The following WWC1 variants were observed in gnomAD, a reference collection of about 807,000 sequenced individuals.
The protein encoded by WWC1 is protein KIBRA.
Under a neutral mutation model 138.4 loss-of-function variants are expected in WWC1, and 55 were observed. The ratio of observed to expected loss-of-function variants is 0.40; its 90% CI spans 0.32 to 0.50. The LOEUF is 0.50. Ranked by LOEUF, WWC1 falls within the 20% of genes least tolerant of loss-of-function variation. The pLI, the probability that WWC1 is intolerant of heterozygous loss-of-function variation, is 0.72. For missense variants in WWC1, 1,226 were observed against 1,420.4 expected (o/e 0.86, Z 2.20); for synonymous variants, 524 against 564.9 (o/e 0.93, Z 1.03).
chr5:168,398,507 C>T (rs1300123434), intron 4 of WWC1, among the ~76,000 whole-genome samples: 1 of 152,212 alleles, frequency 6.6e-6, no homozygotes, highest in African/African-American at 2.4e-5. Context: ...ATATAGTGTA[C>T]TGTCTTCCTA....
At chr5:168,404,908 T>C (rs1779663828) in intron 5 of WWC1, among the ~76,000 whole-genome samples, 1 of 151,618 alleles carries the variant, frequency 6.6e-6, no homozygotes, top group South Asian at 2.1e-4. Context: ...TTTTTTTTAA[T>C]TTTTCCCCCA....
intron 1 of WWC1, among the ~76,000 whole-genome samples, chr5:168,304,951 G>A (rs1770416756): frequency 6.6e-6 from 1 of 151,348 alleles, no homozygotes; most frequent in Non-Finnish European, 1.5e-5. Context: ...TCGGCTTCCC[G>A]AGTAGCTGGG....
chr5:168,334,894 C>T (rs903512755), intron 1 of WWC1, among the ~76,000 whole-genome samples: 32 of 152,208 alleles, frequency 2.1e-4, no homozygotes, highest in South Asian at 2.1e-4. Flanking sequence ...GGAATGCTAC[C>T]GGTCCCTCTG....
At chr5:168,311,345 G>A (rs1395316769) in intron 1 of WWC1, among the ~76,000 whole-genome samples, 1 of 152,082 alleles carries the variant, frequency 6.6e-6, no homozygotes, top group Non-Finnish European at 1.5e-5. Context: ...CTCAGGCAAG[G>A]AATAGCGGCC....
chr5:168,339,362 C>T (rs1412447295), intron 1 of WWC1, among the ~76,000 whole-genome samples: 1 of 152,090 alleles, frequency 6.6e-6, no homozygotes, highest in Non-Finnish European at 1.5e-5. Flanking sequence ...GGAAAGAATG[C>T]CAGTGGAGGC....
rs75635749 is a variant in WWC1, at chr5:168,350,245, G to A, written c.120-21179G>A. On this transcript the variant is annotated intron_variant, in intron 1 of 22. Transcript: ENST00000265293. ...CTAGGATTGAAGAAAAATGCAAAAAGAGGTCTCTCTTATTCATGGCTCAGA... is the reference window on the plus strand; with the variant it reads ...CTAGGATTGAAGAAAAATGCAAAAAAAGGTCTCTCTTATTCATGGCTCAGA... 5.3e-5 allele frequency among the ~76,000 whole-genome samples: 8 copies of A among 152,312 alleles called. No individual in the cohort carries two copies. The East Asian group carries it at 1.5e-3, about 29-fold the overall frequency.
At chr5:168,403,235 C>T (rs1461178806) in intron 5 of WWC1, among the ~76,000 whole-genome samples, 2 of 151,950 alleles carry the variant, frequency 1.3e-5, no homozygotes, top group Non-Finnish European at 1.5e-5. Context: ...CTAAATGGGA[C>T]TACAGACACG....
chr5:168,403,071 TTTCTTTCTTTTCTTTCTTTTCTTTC>T (rs1489201679), intron 5 of WWC1, among the ~76,000 whole-genome samples: 14 of 92,480 alleles, frequency 1.5e-4, no homozygotes, highest in South Asian at 2.9e-4. Flanking sequence ...TCTTTCTTTC[TTTCTTTCTTTTCTTTCTTTTCTTTC>T]TTTCTTTCTT....
At chr5:168,427,548 A>ATTTTTTTTTTTTTTTTTT (rs34177139) in intron 11 of WWC1, among the ~76,000 whole-genome samples, 10 of 101,144 alleles carry the variant, frequency 9.9e-5, no homozygotes, top group Admixed American at 3.4e-4. Context: ...CTTTTTTTTA[A>ATTTTTTTTTTTTTTTTTT]TTTTTTTTTT....
At chr5:168,366,802 C>T (rs905416700) in intron 1 of WWC1, among the ~76,000 whole-genome samples, 22 of 100,572 alleles carry the variant, frequency 2.2e-4, no homozygotes, top group African/African-American at 9.0e-4. Context: ...CTTTGAAACA[C>T]TTTTTTTTTT....
intron 1 of WWC1, among the ~76,000 whole-genome samples, chr5:168,366,426 C>T (rs886713625): frequency 6.6e-6 from 1 of 152,176 alleles, no homozygotes; most frequent in African/African-American, 2.4e-5. Context: ...GGCATTTCCC[C>T]TGTGATCGCA....
intron 1 of WWC1, among the ~76,000 whole-genome samples, chr5:168,296,344 C>A (rs1040862171): frequency 6.6e-6 from 1 of 152,138 alleles, no homozygotes; most frequent in Admixed American, 6.5e-5. Flanking sequence ...AGCAACTTCT[C>A]CCATGACTTG....
intron 17 of WWC1, among the ~76,000 whole-genome samples, chr5:168,452,057 C>T: frequency 6.6e-6 from 1 of 152,028 alleles, no homozygotes; most frequent in East Asian, 1.9e-4. Flanking sequence ...AGGTGCCCAC[C>T]ACCACGCCTG....
intron 1 of WWC1, among the ~76,000 whole-genome samples, chr5:168,325,776 A>G (rs1253225852): frequency 1.3e-5 from 2 of 152,136 alleles, no homozygotes; most frequent in African/African-American, 4.8e-5. Flanking sequence ...AACTCTTTTC[A>G]TCTTCCTACA....
chr5:168,361,159 G>A (rs1775850897), intron 1 of WWC1, among the ~76,000 whole-genome samples: 1 of 152,198 alleles, frequency 6.6e-6, no homozygotes, highest in African/African-American at 2.4e-5. Flanking sequence ...CTGAGGCTCA[G>A]ACCTGGGGGA....
At chr5:168,409,246 C>G (rs1419123153) in intron 7 of WWC1, among the ~76,000 whole-genome samples, 2 of 152,214 alleles carry the variant, frequency 1.3e-5, no homozygotes, top group African/African-American at 4.8e-5. Context: ...AACGAATCTG[C>G]CTTCCAGCCT....
chr5:168,299,510 A>C (rs1039302892), intron 1 of WWC1, among the ~76,000 whole-genome samples: 1 of 152,148 alleles, frequency 6.6e-6, no homozygotes, highest in African/African-American at 2.4e-5. Flanking sequence ...GTCCTTTCCA[A>C]GTCGCTTGGG....
Position 168,316,295 on chromosome 5 carries a change from G to A in WWC1, c.119+24024G>A, listed in dbSNP as rs192791049. 2.9e-4 allele frequency among the ~76,000 whole-genome samples: 44 copies of A among 152,248 alleles called. No homozygotes were observed. The East Asian group carries it at 7.9e-3, about 27-fold the overall frequency. On this transcript the variant is annotated intron_variant, in intron 1 of 22. Transcript: ENST00000265293. ...TCAGTGAAGGGAGAGCAGGTGCCTG[G>A]GATCGAAAGGACATTGTCCATCACC...
intron 2 of WWC1, among the ~76,000 whole-genome samples, chr5:168,381,325 A>G (rs1777614165): frequency 6.6e-6 from 1 of 152,136 alleles, no homozygotes; most frequent in South Asian, 2.1e-4. Context: ...GAAATCCAGA[A>G]CACTGTGGGA....
Sources: gnomAD v4.1 joint callset for allele counts (sites outside exome capture counted in the v4.1 genomes callset) on GRCh38, gnomAD v4.1.1 for gene constraint, MANE v1.5 for transcripts, NCBI Gene and HGNC (gene_info 2026-07-23, HGNC 2026-07-21) for gene names.